The following UBR3 variants were observed in gnomAD, a reference collection of about 807,000 sequenced individuals.
UBR3 encodes the protein ubiquitin protein ligase E3 component n-recognin 3.
A neutral mutation model predicts 243.2 loss-of-function variants in UBR3; 85 were observed. That is an observed-to-expected ratio of 0.35 (90% CI 0.29 to 0.42). The LOEUF (loss-of-function observed/expected upper bound fraction) is 0.42, where lower values mean the gene tolerates loss of function less well. UBR3 is among the 10% of genes least tolerant of loss of function. UBR3 has a pLI of 1.00. For synonymous variants in UBR3, 748 were observed against 799.8 expected (o/e 0.94, Z 1.09); for missense variants, 1,686 against 2,300.8 (o/e 0.73, Z 5.47).
intron 5 of UBR3, among the ~76,000 whole-genome samples, chr2:169,887,510 T>C (rs1223464271): frequency 1.3e-5 from 2 of 152,188 alleles, no homozygotes; most frequent in Non-Finnish European, 1.5e-5. Context: ...TTCTGTTTGT[T>C]AACAGTACTG....
intron 32 of UBR3, among the ~76,000 whole-genome samples, chr2:170,048,945 T>C (rs899261943): frequency 1.3e-5 from 2 of 152,202 alleles, no homozygotes; most frequent in Non-Finnish European, 2.9e-5. Flanking sequence ...TTTATTATAA[T>C]TGTTCTATAT....
At chr2:170,011,817 T>G (rs947297313) in intron 29 of UBR3, among the ~76,000 whole-genome samples, 3 of 152,112 alleles carry the variant, frequency 2.0e-5, no homozygotes, top group Non-Finnish European at 4.4e-5. Context: ...AAATTTTCAT[T>G]TTATTACACA....
chr2:169,883,273 C>T (rs1184492586), intron 5 of UBR3, among the ~76,000 whole-genome samples: 1 of 152,150 alleles, frequency 6.6e-6, no homozygotes, highest in African/African-American at 2.4e-5. Flanking sequence ...CATCCGAGAA[C>T]TCAGCTGGTT....
intron 29 of UBR3, 66 bp downstream of exon 29, chr2:170,009,006 A>C: frequency 9.2e-7 from 1 of 1,087,282 alleles, no homozygotes; most frequent in Non-Finnish European, 1.2e-6. Flanking sequence ...TTATTTAATA[A>C]ATATTTGTTT....
intron 20 of UBR3, among the ~76,000 whole-genome samples, chr2:169,944,007 T>C (rs1035981971): frequency 6.6e-6 from 1 of 152,164 alleles, no homozygotes; most frequent in African/African-American, 2.4e-5. Flanking sequence ...AAAAACACCT[T>C]GGGTGGTTTA....
chr2:169,944,568 C>T (rs2086714748), intron 20 of UBR3, among the ~76,000 whole-genome samples: 1 of 152,130 alleles, frequency 6.6e-6, no homozygotes, highest in Non-Finnish European at 1.5e-5. Context: ...ATAAAGTTCT[C>T]CATTGACATT....
At chr2:169,901,772 A>G (rs1341497427) in intron 8 of UBR3, among the ~76,000 whole-genome samples, 1 of 152,192 alleles carries the variant, frequency 6.6e-6, no homozygotes, top group Non-Finnish European at 1.5e-5. Context: ...TTTATACCAT[A>G]TGCTTTGTGG....
At position 169,875,791 on chromosome 2, in the gene UBR3, C is replaced by T. The variant is rs1394074898; in HGVS notation, c.686C>T (p.Ala229Val). 4 of 1,498,500 alleles carry T rather than the reference C, an allele frequency of 2.7e-6. No homozygotes were observed. The South Asian group carries it at 5.4e-5, about 20-fold the overall frequency. The allele number at this position is 1,498,500 out of a possible 1,614,324, so 92.8% of individuals were successfully genotyped here. A position where few individuals can be genotyped will look rare whatever the true frequency, so the allele number is the denominator to read the frequency against. The change falls in exon 3 of 39, where the codon GCA (alanine) becomes GTA (valine). Residue 229 changes from alanine to valine, a missense_variant and splice_region_variant. Physicochemically the swap from Ala to Val is moderately conservative, Grantham distance 64 (BLOSUM62 0). Coordinates refer to ENST00000272793, the MANE Select transcript of UBR3 (RefSeq NM_172070.4). ...QYLREGYNEP[A>V]ADGPSEKDLN... ...GATTTTTTTTCTTTTTTTCTTTTAG[C>T]AGCTGATGGACCATCAGAAAAGGAC...
intron 1 of UBR3, among the ~76,000 whole-genome samples, chr2:169,831,311 T>A (rs2081935214): frequency 1.3e-5 from 2 of 149,202 alleles, no homozygotes; most frequent in Admixed American, 1.3e-4. Flanking sequence ...GGCTAATTTT[T>A]TTTTTTTCTT....
At chr2:169,874,931 C>A (rs955857404) in intron 2 of UBR3, among the ~76,000 whole-genome samples, 1 of 152,068 alleles carries the variant, frequency 6.6e-6, no homozygotes, top group Non-Finnish European at 1.5e-5. Flanking sequence ...TCCTTTTAGA[C>A]CTCGGCTTCT....
Position 170,015,471 on chromosome 2 carries a change from T to A in UBR3, c.4453+105T>A, listed in dbSNP as rs1015418750. 6.4e-6 allele frequency: 5 copies of A among 781,484 alleles called. No homozygotes were observed. The African/African-American group carries it at 8.7e-5, about 14-fold the overall frequency. 48.4% of individuals were successfully genotyped at this position (781,484 alleles called of 1,614,324 possible). A position where few individuals can be genotyped will look rare whatever the true frequency, so the allele number is the denominator to read the frequency against. Reference sequence around the variant, plus strand: ...TATTTCAAATTTTGTCTGTTATATATGATCTATTTAGATAGTGATATATAC... The same window carrying A: ...TATTTCAAATTTTGTCTGTTATATAAGATCTATTTAGATAGTGATATATAC... On this transcript the variant is annotated intron_variant, in intron 30 of 38. Transcript: ENST00000272793.
intron 1 of UBR3, among the ~76,000 whole-genome samples, chr2:169,867,257 ATT>A (rs1352469279): frequency 6.6e-6 from 1 of 152,174 alleles, no homozygotes; most frequent in Non-Finnish European, 1.5e-5. Context: ...ATATATTAAC[ATT>A]TGTTTCCCTT....
Position 169,943,859 on chromosome 2 carries a change from TA to T in UBR3, c.2805+1226del, listed in dbSNP as rs368818153. 2.3e-4 allele frequency among the ~76,000 whole-genome samples: 35 copies of T among 152,296 alleles called. No individual in the cohort carries two copies. In the South Asian group the frequency reaches 7.3e-3, roughly 32 times the overall value. ...TATGTATTTAGTTAGGTAGGAATTT[TA>T]TTTTTTTTCTTAATCTTATAATGAA... On this transcript the variant is annotated intron_variant, in intron 20 of 38. Coordinates refer to ENST00000272793, the MANE Select transcript of UBR3 (RefSeq NM_172070.4).
chr2:169,924,419 A>G (rs780059757), intron 13 of UBR3, among the ~76,000 whole-genome samples: 2 of 152,164 alleles, frequency 1.3e-5, no homozygotes, highest in African/African-American at 4.8e-5. Flanking sequence ...TTAACATACT[A>G]TATAGCACTG....
chr2:169,834,941 G>A lies in UBR3; in HGVS notation c.545+6889G>A, dbSNP rs548716865. Among the ~76,000 whole-genome samples the A allele has an allele frequency of 4.6e-5, 7 of 152,216 alleles. No homozygotes were observed. In the South Asian group the frequency reaches 1.0e-3, roughly 23 times the overall value. ...AAAAGAACAAATGCTTGTATGCTTC[G>A]GTCTATATGAAGTGCCCGGAATAGT... On this transcript the variant is annotated intron_variant, in intron 1 of 38. Coordinates refer to ENST00000272793, the MANE Select transcript of UBR3 (RefSeq NM_172070.4).
At chr2:170,055,849 T>C (rs1213204581) in intron 33 of UBR3, among the ~76,000 whole-genome samples, 1 of 152,146 alleles carries the variant, frequency 6.6e-6, no homozygotes, top group Non-Finnish European at 1.5e-5. Flanking sequence ...AGAGAAGTTA[T>C]AAAAATTGTG....
intron 6 of UBR3, among the ~76,000 whole-genome samples, chr2:169,891,795 AC>A (rs1218499528): frequency 2.0e-5 from 3 of 152,276 alleles, no homozygotes; most frequent in African/African-American, 7.2e-5. Flanking sequence ...TATGTGTTAG[AC>A]ATGTTAGAGA....
intron 31 of UBR3, 52 bp from the exon 32 acceptor site, chr2:170,040,830 T>C (rs2090949395): frequency 7.5e-7 from 1 of 1,325,558 alleles, no homozygotes. Flanking sequence ...TAAAATAAAT[T>C]AGAAAGAGAA....
chr2:170,005,920 G>A (rs539456293), intron 27 of UBR3, among the ~76,000 whole-genome samples: 1 of 152,258 alleles, frequency 6.6e-6, no homozygotes, highest in South Asian at 2.1e-4. Flanking sequence ...CAAAGACAAG[G>A]GAATGCAGGA....
Sources: allele counts gnomAD v4.1 joint callset (sites outside exome capture counted in the v4.1 genomes callset), GRCh38; gene constraint gnomAD v4.1.1; transcripts MANE v1.5; gene names NCBI Gene and HGNC (gene_info 2026-07-23, HGNC 2026-07-21).